Variants in CADPS observed in about 807,000 individuals in gnomAD.
The protein encoded by CADPS is calcium dependent secretion activator, also known as calcium-dependent secretion activator 1.
A neutral mutation model predicts 167.3 loss-of-function variants in CADPS; 57 were observed. The ratio of observed to expected loss-of-function variants is 0.34; its 90% confidence interval spans 0.28 to 0.42. The LOEUF (loss-of-function observed/expected upper bound fraction) is 0.42, where lower values mean the gene tolerates loss of function less well. Among genes scored for constraint, CADPS ranks in the 20% least tolerant of loss-of-function variants. The pLI is 1.00. For synonymous variants in CADPS, 676 were observed against 635.3 expected (o/e 1.06, Z -0.96); for missense variants, 1,414 against 1,738.1 (o/e 0.81, Z 3.32).
At chr3:62,814,838 T>C (rs554698277) in intron 1 of CADPS, among the ~76,000 whole-genome samples, 2 of 152,294 alleles carry the variant, frequency 1.3e-5, no homozygotes, top group East Asian at 1.9e-4. Flanking sequence ...TCTTTTCCTC[T>C]TTCAGCTGTT....
Position 62,399,481 on chromosome 3 carries a change from T to C in CADPS, c.3987A>G (p.Ala1329=), listed in dbSNP as rs374204343. 3.7e-6 allele frequency: 6 copies of C among 1,614,046 alleles called. No homozygotes were observed. In the African/African-American group the frequency reaches 8.0e-5, roughly 22 times the overall value. Reference sequence around the variant, plus strand: ...GCAGTCCCCCACCTTCACTCACTGATGCTGTGGCTTCCTCCACAGTGAGAC... The same window carrying C: ...GCAGTCCCCCACCTTCACTCACTGACGCTGTGGCTTCCTCCACAGTGAGAC... ...RNRLTVEEAT[A]SVSEGGGLQG... is the part of the protein sequence containing the mutation. The change falls in exon 30 of 30, where the codon GCA becomes GCG. Residue 1329 remains alanine, a synonymous_variant. Transcript: ENST00000383710. The surrounding 1 kb of genome is among the most constrained non-coding windows in gnomAD (Gnocchi z 5.6).
intron 9 of CADPS, among the ~76,000 whole-genome samples, chr3:62,558,170 C>A (rs184255164): frequency 6.6e-6 from 1 of 152,336 alleles, no homozygotes; most frequent in Non-Finnish European, 1.5e-5. Flanking sequence ...CTGTCACAAG[C>A]AATGAGCGCT....
intron 6 of CADPS, among the ~76,000 whole-genome samples, chr3:62,599,634 A>C (rs867814753): frequency 0.033 from 291 of 8,898 alleles, no homozygotes; most frequent in Middle Eastern, 0.062. Flanking sequence ...ATAATATAAT[A>C]AATATAATAT....
intron 1 of CADPS, among the ~76,000 whole-genome samples, chr3:62,834,540 A>G (rs371362157): frequency 6.6e-6 from 1 of 152,132 alleles, no homozygotes; most frequent in Admixed American, 6.5e-5. Flanking sequence ...CAGCTGAACC[A>G]TGGGTAAGTC....
chr3:62,823,965 G>T (rs1407907831), intron 1 of CADPS, among the ~76,000 whole-genome samples: 1 of 152,022 alleles, frequency 6.6e-6, no homozygotes, highest in Non-Finnish European at 1.5e-5. Flanking sequence ...CTCCTGCTCT[G>T]ATCCTCCATC....
chr3:62,693,463 ACATATTT>A (rs2079596585), intron 3 of CADPS, among the ~76,000 whole-genome samples: 2 of 152,100 alleles, frequency 1.3e-5, no homozygotes, highest in Admixed American at 1.3e-4. Context: ...ATTGATGGGA[ACATATTT>A]TAAATTTTGT....
Position 62,401,970 on chromosome 3 carries a change from A to G in CADPS, c.3882+1111T>C, listed in dbSNP as rs965045232. On this transcript the variant is annotated intron_variant, in intron 29 of 29. Coordinates refer to ENST00000383710, the MANE Select transcript of CADPS (RefSeq NM_003716.4). ...ATGGAATTCAAGTGGTCAGGCGACC[A>G]CTTGACGATTGAGCTGGTCCTAAGG... Among the ~76,000 whole-genome samples the G allele has an allele frequency of 2.6e-5, 4 of 152,176 alleles. No homozygotes were observed. The East Asian group carries it at 5.8e-4, about 22-fold the overall frequency.
intron 3 of CADPS, among the ~76,000 whole-genome samples, chr3:62,697,271 C>T (rs951589315): frequency 8.8e-6 from 1 of 114,020 alleles, no homozygotes; most frequent in African/African-American, 2.8e-5. Flanking sequence ...CCTCCCCATC[C>T]TTTCCCCTGA....
chr3:62,672,783 C>G (rs1449112219), intron 3 of CADPS, among the ~76,000 whole-genome samples: 1 of 152,078 alleles, frequency 6.6e-6, no homozygotes. Flanking sequence ...TCATGCCCAG[C>G]TGATTTTTGT....
intron 13 of CADPS, among the ~76,000 whole-genome samples, chr3:62,531,554 T>C (rs538730133): frequency 2.0e-5 from 3 of 152,332 alleles, no homozygotes; most frequent in African/African-American, 2.4e-5. Context: ...GAGATTTTAG[T>C]TGTATAGCTT....
chr3:62,538,655 G>A (rs1002562745), intron 11 of CADPS, among the ~76,000 whole-genome samples: 3 of 152,138 alleles, frequency 2.0e-5, no homozygotes, highest in African/African-American at 4.8e-5. Context: ...TACTCTGCCA[G>A]TTTGGCTTGG....
chr3:62,474,038 T>C (rs2060943514), intron 24 of CADPS, 135 bp downstream of exon 24: 1 of 603,174 alleles, frequency 1.7e-6, no homozygotes, highest in Non-Finnish European at 2.8e-6. Flanking sequence ...CACTCATCCA[T>C]GGCTTAATCC....
At chr3:62,649,541 GTCT>G (rs2069484021) in intron 5 of CADPS, among the ~76,000 whole-genome samples, 9 of 75,000 alleles carry the variant, frequency 1.2e-4, no homozygotes, top group African/African-American at 2.4e-4. Context: ...ACAATATGTG[GTCT>G]TTTTTTTTTT....
At chr3:62,619,578 A>T (rs1238628821) in intron 6 of CADPS, among the ~76,000 whole-genome samples, 2 of 152,140 alleles carry the variant, frequency 1.3e-5, no homozygotes, top group Admixed American at 1.3e-4. Flanking sequence ...GACTTTTCAC[A>T]CTGTGGCTTA....
chr3:62,695,296 C>T (rs116694219), intron 3 of CADPS, among the ~76,000 whole-genome samples: 2,389 of 152,022 alleles, frequency 0.016, 30 homozygotes, highest in Middle Eastern at 0.048. Context: ...TTCAAATATG[C>T]ATATGAAGGA....
At chr3:62,528,530 C>T (rs925540486) in intron 13 of CADPS, among the ~76,000 whole-genome samples, 3 of 152,048 alleles carry the variant, frequency 2.0e-5, no homozygotes, top group Non-Finnish European at 4.4e-5. Flanking sequence ...ATTTATGAAA[C>T]CTGACGATGG....
chr3:62,687,553 C>G (rs17356543), intron 3 of CADPS, among the ~76,000 whole-genome samples: 28,558 of 151,716 alleles, frequency 0.19, 2,895 homozygotes, highest in Admixed American at 0.26. Context: ...TTGTGAGACC[C>G]CAGGGTACCA....
intron 6 of CADPS, among the ~76,000 whole-genome samples, chr3:62,611,505 C>T (rs2061495709): frequency 6.6e-6 from 1 of 152,186 alleles, no homozygotes; most frequent in African/African-American, 2.4e-5. Context: ...TAAGTCAGCT[C>T]TCACTACTTT....
chr3:62,669,664 A>G (rs1371014583), intron 3 of CADPS, among the ~76,000 whole-genome samples: 1 of 152,178 alleles, frequency 6.6e-6, no homozygotes, highest in Non-Finnish European at 1.5e-5. Context: ...TAGGAAAGTG[A>G]TTGGACCTCT....
Sources: gnomAD v4.1 joint callset for allele counts (sites outside exome capture counted in the v4.1 genomes callset) on GRCh38, gnomAD v4.1.1 for gene constraint, Gnocchi (gnomAD v3.1) non-coding constraint, MANE v1.5 for transcripts, NCBI Gene and HGNC (gene_info 2026-07-23, HGNC 2026-07-21) for gene names.